Variants in GIGYF2 observed in about 807,000 individuals in gnomAD.
GIGYF2 encodes GRB10-interacting GYF protein 2.
Under a neutral mutation model 208.1 loss-of-function variants are expected in GIGYF2, and 25 were observed. The observed-to-expected ratio is 0.12, with a 90% CI of 0.09 to 0.17. GIGYF2 has a LOEUF of 0.17. Among genes scored for constraint, GIGYF2 ranks in the 10% least tolerant of loss-of-function variants. The pLI is 1.00. For synonymous variants in GIGYF2, 534 were observed against 543.8 expected (o/e 0.98, Z 0.25); for missense variants, 1,302 against 1,579.4 (o/e 0.82, Z 2.98).
At position 232,777,392 on chromosome 2, in the gene GIGYF2, G is replaced by C. The variant is rs189322276; in HGVS notation, c.533-9758G>C. Among the ~76,000 whole-genome samples, 11 of 152,244 alleles carry C rather than the reference G, an allele frequency of 7.2e-5. No homozygotes were observed. In the East Asian group the frequency reaches 1.9e-3, roughly 27 times the overall value. On this transcript the variant is annotated intron_variant, in intron 8 of 28. Coordinates refer to ENST00000373563, the MANE Select transcript of GIGYF2 (RefSeq NM_001103146.3). ...TTGTTGGAACCCTGAAACGTGCTGTGGTATGGCTTTGTGCAGTGCCTTAGT... is the reference window on the plus strand; with the variant it reads ...TTGTTGGAACCCTGAAACGTGCTGTCGTATGGCTTTGTGCAGTGCCTTAGT...
At chr2:232,855,986 A>G (rs1690551999) in intron 28 of GIGYF2, among the ~76,000 whole-genome samples, 1 of 151,792 alleles carries the variant, frequency 6.6e-6, no homozygotes, top group African/African-American at 2.4e-5. Flanking sequence ...GCTGGAGTGC[A>G]GTGGCGCGAT....
At chr2:232,758,830 C>T (rs966725404) in intron 6 of GIGYF2, among the ~76,000 whole-genome samples, 1 of 152,098 alleles carries the variant, frequency 6.6e-6, no homozygotes, top group Admixed American at 6.5e-5. Flanking sequence ...AGACTTTTGC[C>T]CCCATCCTAA....
chr2:232,854,586 T>C (rs533047339), intron 28 of GIGYF2, among the ~76,000 whole-genome samples: 2 of 152,116 alleles, frequency 1.3e-5, no homozygotes, highest in Non-Finnish European at 2.9e-5. Context: ...TGGAACACAG[T>C]TGATGGGGTC....
intron 26 of GIGYF2, among the ~76,000 whole-genome samples, chr2:232,846,968 G>A (rs1325857252): frequency 6.6e-6 from 1 of 152,192 alleles, no homozygotes; most frequent in East Asian, 1.9e-4. Context: ...GAAAGTTCCA[G>A]GAAGATATAG....
intron 4 of GIGYF2, among the ~76,000 whole-genome samples, chr2:232,748,638 G>A (rs1216222390): frequency 6.6e-6 from 1 of 152,156 alleles, no homozygotes; most frequent in Non-Finnish European, 1.5e-5. Flanking sequence ...AATGATGGTT[G>A]CTAAGGACAC....
chr2:232,777,977 T>G (rs1429410851), intron 8 of GIGYF2, among the ~76,000 whole-genome samples: 1 of 152,116 alleles, frequency 6.6e-6, no homozygotes, highest in Non-Finnish European at 1.5e-5. Context: ...CATAGAGTCT[T>G]GCTGTGTCAC....
intron 22 of GIGYF2, among the ~76,000 whole-genome samples, chr2:232,834,993 C>T (rs138573627): frequency 2.0e-5 from 3 of 152,176 alleles, no homozygotes; most frequent in Non-Finnish European, 2.9e-5. Context: ...CCCTTACTCA[C>T]CTCGTATTCT....
chr2:232,839,365 TC>T (rs1255098910), intron 22 of GIGYF2, among the ~76,000 whole-genome samples: 5 of 152,210 alleles, frequency 3.3e-5, no homozygotes, highest in Non-Finnish European at 5.9e-5. Flanking sequence ...TAAAGGCTGA[TC>T]AAGAACTATG....
chr2:232,779,531 T>C (rs1444823731), intron 8 of GIGYF2, among the ~76,000 whole-genome samples: 2 of 152,234 alleles, frequency 1.3e-5, no homozygotes, highest in South Asian at 2.1e-4. Flanking sequence ...GCTTACATAG[T>C]GTACTTGGCT....
At chr2:232,799,767 G>T (rs1399167144) in intron 14 of GIGYF2, among the ~76,000 whole-genome samples, 1 of 151,888 alleles carries the variant, frequency 6.6e-6, no homozygotes. Flanking sequence ...AGTCCACAAG[G>T]GTTTTAATTT....
intron 25 of GIGYF2, 80 bp downstream of exon 25, chr2:232,844,654 A>C: frequency 1.1e-6 from 1 of 900,504 alleles, no homozygotes; most frequent in Non-Finnish European, 1.8e-6. Flanking sequence ...TTGGGTGGGC[A>C]GGAAAAGGTA....
At chr2:232,734,661 A>G (rs1057195260) in intron 2 of GIGYF2, among the ~76,000 whole-genome samples, 5 of 152,190 alleles carry the variant, frequency 3.3e-5, no homozygotes, top group Admixed American at 2.0e-4. Flanking sequence ...ACTAGGGTGT[A>G]AAGTGCTAAT....
At chr2:232,714,339 A>G (rs530217794) in intron 2 of GIGYF2, among the ~76,000 whole-genome samples, 33 of 152,198 alleles carry the variant, frequency 2.2e-4, no homozygotes, top group Non-Finnish European at 4.9e-4. Context: ...TCAACAGTAC[A>G]TTTGTAGATA....
intron 15 of GIGYF2, among the ~76,000 whole-genome samples, chr2:232,808,520 G>A (rs1263967542): frequency 2.0e-5 from 3 of 151,404 alleles, no homozygotes; most frequent in Non-Finnish European, 4.4e-5. Context: ...TTGAAACTTA[G>A]TTTTTCATGT....
rs984726076 is a variant in GIGYF2, at chr2:232,824,150, A to G, written c.2529+4165A>G. ...TCTCCTTCGACCTCCCTATTCGCTG[A>G]GACACATCATTATGGAAATTAGGCC... is the stretch of plus-strand genomic sequence containing the variant. On this transcript the variant is annotated intron_variant, in intron 21 of 28. Transcript: ENST00000373563. Among the ~76,000 whole-genome samples the G allele has an allele frequency of 5.3e-5, 8 of 152,084 alleles. No individual in the cohort carries two copies. In the South Asian group the frequency reaches 1.4e-3, roughly 28 times the overall value.
chr2:232,830,730 C>T (rs537804858), intron 21 of GIGYF2, among the ~76,000 whole-genome samples: 49 of 152,060 alleles, frequency 3.2e-4, no homozygotes, highest in Non-Finnish European at 4.4e-4. Context: ...ACTTGTAATC[C>T]CCACGACTCA....
intron 12 of GIGYF2, among the ~76,000 whole-genome samples, chr2:232,792,260 C>T (rs1217221030): frequency 6.6e-6 from 1 of 152,136 alleles, no homozygotes; most frequent in Non-Finnish European, 1.5e-5. Flanking sequence ...CACCCAAAGC[C>T]CCCAAACTAG....
At chr2:232,782,279 T>G (rs1699745741) in intron 8 of GIGYF2, among the ~76,000 whole-genome samples, 1 of 152,102 alleles carries the variant, frequency 6.6e-6, no homozygotes, top group South Asian at 2.1e-4. Flanking sequence ...CCCAGTCTGG[T>G]TTCAAACTCC....
chr2:232,753,335 G>A (rs1282882273), intron 5 of GIGYF2, among the ~76,000 whole-genome samples: 4 of 152,000 alleles, frequency 2.6e-5, no homozygotes, highest in Admixed American at 2.6e-4. Context: ...TGTTGGCCAG[G>A]ATGGTCTCCA....
Sources: allele counts gnomAD v4.1 joint callset (sites outside exome capture counted in the v4.1 genomes callset), GRCh38; gene constraint gnomAD v4.1.1; transcripts MANE v1.5; gene names NCBI Gene and HGNC (gene_info 2026-07-23, HGNC 2026-07-21).